Variants in TCF12 observed in about 807,000 individuals in gnomAD.
The protein encoded by TCF12 is DNA-binding protein HTF4.
Under a neutral mutation model 86.0 loss-of-function variants are expected in TCF12, and 45 were observed. That is an observed-to-expected ratio of 0.52 (90% CI 0.41 to 0.67). The LOEUF is 0.67. Ranked by LOEUF, TCF12 falls within the 30% of genes least tolerant of loss-of-function variation. The pLI, the probability that TCF12 is intolerant of heterozygous loss-of-function variation, is 0.00. For missense variants in TCF12, 881 were observed against 859.9 expected (o/e 1.02, Z -0.31); for synonymous variants, 330 against 299.6 (o/e 1.10, Z -1.05).
intron 6 of TCF12, among the ~76,000 whole-genome samples, chr15:57,181,068 T>C (rs188203531): frequency 0.029 from 4,445 of 151,742 alleles, 178 homozygotes; most frequent in African/African-American, 0.089. Flanking sequence ...CCCGCCTCGG[T>C]CTCCCAAAGT....
chr15:56,924,055 C>T (rs1260432988), intron 3 of TCF12, among the ~76,000 whole-genome samples: 1 of 151,956 alleles, frequency 6.6e-6, no homozygotes, highest in Non-Finnish European at 1.5e-5. Flanking sequence ...GATGTACTTA[C>T]AGGCTTTTTG....
intron 6 of TCF12, among the ~76,000 whole-genome samples, chr15:57,170,770 TTATATATAATATA>T (rs1159910978): frequency 3.1e-4 from 2 of 6,442 alleles, no homozygotes; most frequent in East Asian, 0.016. Flanking sequence ...TATATATATA[TTATATATAATATA>T]TATATATAAT....
At chr15:56,919,522 C>T (rs2059670290) in intron 1 of TCF12, 1 of 170,398 alleles carries the variant, frequency 5.9e-6, no homozygotes, top group Non-Finnish European at 1.3e-5. Context: ...GCCGAATTGC[C>T]CCTCACCCCG....
At chr15:57,269,576 T>C (rs942252030) in intron 18 of TCF12, among the ~76,000 whole-genome samples, 2 of 152,120 alleles carry the variant, frequency 1.3e-5, no homozygotes, top group African/African-American at 2.4e-5. Flanking sequence ...AATATTGTTA[T>C]GTGTGAAATT....
intron 3 of TCF12, among the ~76,000 whole-genome samples, chr15:57,034,570 AT>A (rs2066390609): frequency 6.6e-6 from 1 of 152,170 alleles, no homozygotes; most frequent in African/African-American, 2.4e-5. Context: ...AATAGAATAT[AT>A]TTTTTAATGA....
At chr15:57,233,082 A>G (rs1747236078) in intron 11 of TCF12, among the ~76,000 whole-genome samples, 1 of 148,892 alleles carries the variant, frequency 6.7e-6, no homozygotes, top group Non-Finnish European at 1.5e-5. Flanking sequence ...TGTGTTTTTT[A>G]TATATGTATA....
In TCF12 at chr15:57,247,448, G is replaced by A. The variant is rs555041749; in HGVS notation, c.1114+3898G>A. The stretch of plus-strand genomic sequence containing the variant: ...AGACTACATCTCTTGTTTAGAAAGG[G>A]CCTTTTTTACTTCACAGTTATGCCC... On this transcript the variant is annotated intron_variant, in intron 13 of 20. Coordinates refer to ENST00000333725, the MANE Select transcript of TCF12 (RefSeq NM_207037.2). The A allele has an allele frequency of 1.8e-4, 129 of 707,010 alleles. 2 individuals carry two copies. Among genetic ancestry groups the A allele is most frequent in the South Asian group, 1.7e-3 (119 of 70,538 alleles). The allele number at this position is 707,010 out of a possible 1,614,324, so 43.8% of individuals were successfully genotyped here.
At chr15:56,921,737 T>G (rs1177980343) in intron 3 of TCF12, among the ~76,000 whole-genome samples, 1 of 152,022 alleles carries the variant, frequency 6.6e-6, no homozygotes, top group Non-Finnish European at 1.5e-5. Flanking sequence ...TGAAACTCAG[T>G]AATGCCTCTT....
chr15:57,095,043 C>G (rs1400208808), intron 5 of TCF12, among the ~76,000 whole-genome samples: 3 of 152,184 alleles, frequency 2.0e-5, no homozygotes, highest in Non-Finnish European at 4.4e-5. Context: ...GTGTTTTATG[C>G]TGAATCAGTT....
At chr15:57,097,047 C>A (rs541985398) in intron 5 of TCF12, among the ~76,000 whole-genome samples, 2 of 152,104 alleles carry the variant, frequency 1.3e-5, no homozygotes, top group African/African-American at 2.4e-5. Context: ...GTGGATTTGT[C>A]TGGGAATTTA....
chr15:57,275,327 GGTGTGTGT>G (rs1171707504), intron 19 of TCF12, among the ~76,000 whole-genome samples: 2 of 64,052 alleles, frequency 3.1e-5, no homozygotes, highest in African/African-American at 1.4e-4. Context: ...GTAAGGTAGG[GGTGTGTGT>G]GTGTGTGTGT....
chr15:57,080,138 A>G (rs1333226401), intron 4 of TCF12, among the ~76,000 whole-genome samples: 1 of 152,232 alleles, frequency 6.6e-6, no homozygotes, highest in African/African-American at 2.4e-5. Flanking sequence ...GTCTCTACTG[A>G]CAGGATTATA....
intron 3 of TCF12, among the ~76,000 whole-genome samples, chr15:56,993,281 C>G (rs1288476402): frequency 6.6e-6 from 1 of 152,090 alleles, no homozygotes; most frequent in Non-Finnish European, 1.5e-5. Flanking sequence ...TGCCCTATTC[C>G]CAAGCAACCG....
intron 6 of TCF12, among the ~76,000 whole-genome samples, chr15:57,175,293 G>C (rs1189842111): frequency 6.6e-6 from 1 of 152,166 alleles, no homozygotes; most frequent in Non-Finnish European, 1.5e-5. Context: ...AGGAGTTTGA[G>C]GTTACAGTGA....
chr15:57,158,188 C>G (rs1841696), intron 5 of TCF12, among the ~76,000 whole-genome samples: 4 of 139,272 alleles, frequency 2.9e-5, no homozygotes, highest in East Asian at 2.2e-4. Flanking sequence ...AAAGTCGTTT[C>G]TTTTTTTTTT....
Position 57,099,926 on chromosome 15 carries a change from G to T in TCF12, c.325+8035G>T, listed in dbSNP as rs143749798. Among the ~76,000 whole-genome samples the T allele has an allele frequency of 5.0e-3, 764 of 152,020 alleles. 7 individuals are homozygous for T. The highest frequency in any genetic ancestry group is 8.4e-3 in the Non-Finnish European group (573 of 67,948). On this transcript the variant is annotated intron_variant, in intron 5 of 20. Coordinates refer to ENST00000333725, the MANE Select transcript of TCF12 (RefSeq NM_207037.2). ...ATTTTTTGGTGAGCTCACAACATTG[G>T]CTTAACTATGCATCCTTGCAAACTC...
At chr15:57,273,684 G>A (rs1174875504) in intron 19 of TCF12, among the ~76,000 whole-genome samples, 13 of 152,068 alleles carry the variant, frequency 8.5e-5, no homozygotes, top group Admixed American at 8.5e-4. Flanking sequence ...GTGCCCTGCT[G>A]GTTAATAGGA....
At chr15:57,001,004 T>A (rs1025735342) in intron 3 of TCF12, among the ~76,000 whole-genome samples, 271 of 143,022 alleles carry the variant, frequency 1.9e-3, no homozygotes, top group Non-Finnish European at 3.1e-3. Flanking sequence ...TTTAAAAATT[T>A]AAAAAAAATT....
rs149057209 is a variant in TCF12, at chr15:57,183,354, T to A, written c.391-8804T>A. Among the ~76,000 whole-genome samples, 5 of 152,330 alleles carry A rather than the reference T, an allele frequency of 3.3e-5. No individual in the cohort carries two copies. In the East Asian group the frequency reaches 9.6e-4, roughly 29 times the overall value. On this transcript the variant is annotated intron_variant, in intron 6 of 20. Coordinates refer to ENST00000333725, the MANE Select transcript of TCF12 (RefSeq NM_207037.2). ...ATGCACACACTTTTGCTAAATCATT[T>A]GAGAATAAGTTGACATTTTCCTATT...
Sources: gnomAD v4.1 joint callset for allele counts (sites outside exome capture counted in the v4.1 genomes callset) on GRCh38, gnomAD v4.1.1 for gene constraint, MANE v1.5 for transcripts, NCBI Gene and HGNC (gene_info 2026-07-23, HGNC 2026-07-21) for gene names.